Variants in SDK2 observed in about 807,000 individuals in gnomAD.
SDK2 encodes the protein protein sidekick-2.
Under a neutral mutation model 253.9 loss-of-function variants are expected in SDK2, and 105 were observed. That is an observed-to-expected ratio of 0.41 (90% CI 0.35 to 0.49). The LOEUF (loss-of-function observed/expected upper bound fraction) is 0.49, where lower values mean the gene tolerates loss of function less well. SDK2 is among the 20% of genes least tolerant of loss of function. The probability of loss-of-function intolerance (pLI) is 0.06; values close to 1 mark genes in which losing one functional copy is unlikely to be tolerated. For missense variants in SDK2, 2,608 were observed against 3,003.0 expected, an observed-to-expected ratio of 0.87 and a Z score of 3.07; for synonymous variants, 1,249 against 1,234.9, an observed-to-expected ratio of 1.01 and a Z score of -0.24.
chr17:73,351,186 T>C (rs1568361511), intron 41 of SDK2, among the ~76,000 whole-genome samples: 1 of 151,824 alleles, frequency 6.6e-6, no homozygotes, highest in Non-Finnish European at 1.5e-5. Context: ...CTTGACTCAC[T>C]GCAACCTCCA....
At chr17:73,641,998 G>T (rs2046404844) in intron 1 of SDK2, among the ~76,000 whole-genome samples, 2 of 152,208 alleles carry the variant, frequency 1.3e-5, no homozygotes, top group Admixed American at 6.5e-5. Context: ...CGGAGCAGCA[G>T]GGGACCTGGG....
chr17:73,529,922 A>G (rs2064156289), intron 1 of SDK2, among the ~76,000 whole-genome samples: 1 of 152,204 alleles, frequency 6.6e-6, no homozygotes, highest in Non-Finnish European at 1.5e-5. Context: ...CAGGAAACAC[A>G]TAGAGTTGTT....
At chr17:73,454,998 C>T (rs543829911) in intron 4 of SDK2, among the ~76,000 whole-genome samples, 18 of 152,272 alleles carry the variant, frequency 1.2e-4, no homozygotes, top group Admixed American at 1.0e-3. Context: ...CCGCCGCGTC[C>T]GGCCTGTGAT....
In SDK2 at chr17:73,391,499, C is replaced by T. The variant is rs199888450; in HGVS notation, c.3938G>A (p.Arg1313Gln). ...PPMGILFPEV[R>Q]TTSVRLIWQP... Reference sequence around the variant, plus strand: ...CCAGATCAGCCGCACAGACGTGGTCCGCACCTCTGGGAACAGGATGCCCAT... The same window carrying T: ...CCAGATCAGCCGCACAGACGTGGTCTGCACCTCTGGGAACAGGATGCCCAT... Residue 1313 changes from arginine to glutamine, a missense_variant, in exon 28 of 45, where the codon CGG becomes CAG. Transcript: ENST00000392650. 12 of 1,307,856 alleles carry T rather than the reference C, an allele frequency of 9.2e-6. No homozygotes were observed. In the East Asian group the frequency reaches 1.7e-4, roughly 18 times the overall value. 81.0% of individuals were successfully genotyped at this position (1,307,856 alleles called of 1,614,324 possible).
At chr17:73,635,456 G>T (rs958186825) in intron 1 of SDK2, among the ~76,000 whole-genome samples, 2 of 152,036 alleles carry the variant, frequency 1.3e-5, no homozygotes, top group Admixed American at 6.6e-5. Flanking sequence ...TGATATTTTT[G>T]ACCTTTACTC....
chr17:73,352,401 C>T lies in SDK2; in HGVS notation c.5758+72G>A. The T allele has an allele frequency of 2.6e-6, 4 of 1,530,338 alleles. No individual in the cohort carries two copies. In the South Asian group the frequency reaches 4.8e-5, roughly 18 times the overall value. The allele number at this position is 1,530,338 out of a possible 1,614,324, so 94.8% of individuals were successfully genotyped here. ...TGGTGCCCTGGTGCCTCTCCTCCTT[C>T]CGCCCTGCCCAGTGTCAGCCCCCAG... On this transcript the variant is annotated intron_variant, in intron 41 of 44. Transcript: ENST00000392650. This position sits in a 1 kb window ranked among gnomAD's most constrained non-coding sequence, Gnocchi z 4.1.
intron 10 of SDK2, among the ~76,000 whole-genome samples, chr17:73,432,576 C>T (rs2063333983): frequency 6.6e-6 from 1 of 152,034 alleles, no homozygotes; most frequent in Non-Finnish European, 1.5e-5. Context: ...GTGGACAAAA[C>T]CGACACCCCT....
At chr17:73,375,588 G>A (rs558052477) in intron 36 of SDK2, among the ~76,000 whole-genome samples, 3 of 152,258 alleles carry the variant, frequency 2.0e-5, no homozygotes, top group African/African-American at 4.8e-5. Context: ...GCTGGGCACA[G>A]TGGCTCACGC....
At chr17:73,559,611 G>T (rs1225175166) in intron 1 of SDK2, among the ~76,000 whole-genome samples, 2 of 49,484 alleles carry the variant, frequency 4.0e-5, no homozygotes, top group African/African-American at 8.5e-5. Flanking sequence ...CCCCGCCCCC[G>T]CCACCATACC....
At chr17:73,463,629 A>AT (rs1389713901) in intron 3 of SDK2, among the ~76,000 whole-genome samples, 1 of 152,100 alleles carries the variant, frequency 6.6e-6, no homozygotes, top group Non-Finnish European at 1.5e-5. Flanking sequence ...AACTTACACA[A>AT]TTTGTGGTCA....
In SDK2 at chr17:73,593,041, G is replaced by A. The variant is rs187707417; in HGVS notation, c.64+50984C>T. Reference sequence around the variant, plus strand: ...GGTCCAGCCAGCTCATTCCCCATTCGAGGCCCAGGGAGGGTTGGGTGGGGG... The same window carrying A: ...GGTCCAGCCAGCTCATTCCCCATTCAAGGCCCAGGGAGGGTTGGGTGGGGG... On this transcript the variant is annotated intron_variant, in intron 1 of 44. Transcript: ENST00000392650. 2.0e-5 allele frequency among the ~76,000 whole-genome samples: 3 copies of A among 149,974 alleles called. No homozygotes were observed. The East Asian group carries it at 6.0e-4, about 30-fold the overall frequency.
At chr17:73,610,840 C>CAT (rs1007857692) in intron 1 of SDK2, among the ~76,000 whole-genome samples, 2 of 148,720 alleles carry the variant, frequency 1.3e-5, no homozygotes, top group African/African-American at 4.9e-5. Context: ...TGTGCGTGTG[C>CAT]GTGTGTGTGT....
intron 2 of SDK2, among the ~76,000 whole-genome samples, chr17:73,486,656 G>A (rs2063771456): frequency 6.6e-6 from 1 of 151,012 alleles, no homozygotes; most frequent in Non-Finnish European, 1.5e-5. Flanking sequence ...GAGGGCAAGT[G>A]ATGGAGCCAA....
chr17:73,410,630 C>T (rs554814528), intron 18 of SDK2, among the ~76,000 whole-genome samples: 46 of 152,268 alleles, frequency 3.0e-4, no homozygotes, highest in African/African-American at 1.1e-3. Context: ...AATGCTGCTT[C>T]TTAGAGTCCC....
intron 1 of SDK2, among the ~76,000 whole-genome samples, chr17:73,595,388 A>G (rs2045742581): frequency 6.6e-6 from 1 of 152,054 alleles, no homozygotes; most frequent in Admixed American, 6.6e-5. Context: ...TGTCCCAAGG[A>G]TGTCTGGGCA....
chr17:73,552,221 C>T (rs1262585430), intron 1 of SDK2, among the ~76,000 whole-genome samples: 2 of 152,304 alleles, frequency 1.3e-5, no homozygotes, highest in Middle Eastern at 3.4e-3. Context: ...AGCCTCTAGC[C>T]GGCAGCAGCA....
At chr17:73,396,650 C>T (rs1211791500) in intron 24 of SDK2, among the ~76,000 whole-genome samples, 1 of 152,238 alleles carries the variant, frequency 6.6e-6, no homozygotes, top group Non-Finnish European at 1.5e-5. Flanking sequence ...GGACCACGCA[C>T]CATTAAGCGT....
chr17:73,477,836 G>T (rs2063696817), intron 2 of SDK2, among the ~76,000 whole-genome samples: 1 of 152,156 alleles, frequency 6.6e-6, no homozygotes, highest in Non-Finnish European at 1.5e-5. Context: ...CTCCTCCAGG[G>T]ATGAGGAACA....
Position 73,393,660 on chromosome 17 carries a change from C to T in SDK2, c.3798G>A (p.Leu1266=). 6.2e-7 allele frequency: 1 copy of T among 1,601,234 alleles called. No individual in the cohort carries two copies. The highest frequency in any genetic ancestry group is 1.3e-5 in the African/African-American group (1 of 74,874). The change falls in exon 27 of 45, where the codon TTG becomes TTA. Residue 1266 remains leucine (L), a synonymous_variant. Transcript: ENST00000392650. ...NSSRSAQLTG[L]GKYVLYEVQV... is the part of the protein sequence containing the mutation. ...GGACTTCATAGAGCACGTATTTGCC[C>T]AAGCCGGTGAGCTGGGCACTGCGAG...
Sources: allele counts gnomAD v4.1 joint callset (sites outside exome capture counted in the v4.1 genomes callset), GRCh38; gene constraint gnomAD v4.1.1; non-coding constraint Gnocchi (gnomAD v3.1); transcripts MANE v1.5; gene names NCBI Gene and HGNC (gene_info 2026-07-23, HGNC 2026-07-21).